Variants in FGGY observed in about 807,000 individuals in gnomAD.
FGGY encodes the protein FGGY carbohydrate kinase domain containing.
FGGY carries 72 observed loss-of-function variants against 71.3 expected under a neutral mutation model. That is an observed-to-expected ratio of 1.01 (90% CI 0.84 to 1.23). The LOEUF is 1.23. Ranked by LOEUF, FGGY falls within the 50% of genes most tolerant of loss-of-function variation. FGGY has a pLI of 0.00. For synonymous variants in FGGY, 251 were observed against 250.3 expected, an observed-to-expected ratio of 1.00 and a Z score of -0.02; for missense variants, 668 against 682.3, an observed-to-expected ratio of 0.98 and a Z score of 0.23.
At chr1:59,598,980 T>G (rs1387842428) in intron 8 of FGGY, among the ~76,000 whole-genome samples, 1 of 152,242 alleles carries the variant, frequency 6.6e-6, no homozygotes, top group Non-Finnish European at 1.5e-5. Context: ...ATACAGGAAT[T>G]ACAGAGTTAA....
At chr1:59,395,639 C>G (rs961554453) in intron 5 of FGGY, among the ~76,000 whole-genome samples, 2 of 152,162 alleles carry the variant, frequency 1.3e-5, no homozygotes, top group Admixed American at 1.3e-4. Flanking sequence ...TAACAGAGCA[C>G]TTAACATGCT....
intron 1 of FGGY, among the ~76,000 whole-genome samples, chr1:59,313,533 A>G (rs1434179633): frequency 2.0e-5 from 3 of 152,094 alleles, no homozygotes; most frequent in Non-Finnish European, 2.9e-5. Context: ...ATGCCCATCA[A>G]TCAATAAGTG....
intron 14 of FGGY, chr1:59,755,380 C>T (rs1035421079): frequency 6.6e-6 from 1 of 152,096 alleles, no homozygotes; most frequent in Non-Finnish European, 1.5e-5. Flanking sequence ...TGCTTTAAGG[C>T]GCTCACAGTC....
intron 14 of FGGY, among the ~76,000 whole-genome samples, chr1:59,746,239 C>G (rs2098196328): frequency 6.6e-6 from 1 of 152,116 alleles, no homozygotes; most frequent in Non-Finnish European, 1.5e-5. Flanking sequence ...GCATAAACCT[C>G]AGAGGAACAG....
At position 59,627,878 on chromosome 1, in the gene FGGY, T is replaced by C. The variant is rs78080139; in HGVS notation, c.1073+1829T>C. ...AAAGTAAGTCCATAAGTAAATAACT[T>C]TGTAAGTAAACTACTGAAGAAGGAA... is the stretch of plus-strand genomic sequence containing the variant. On this transcript the variant is annotated intron_variant, in intron 10 of 15. Transcript: ENST00000303721. 7.6e-3 allele frequency among the ~76,000 whole-genome samples: 1,151 copies of C among 152,256 alleles called. 18 individuals carry two copies. Among genetic ancestry groups the C allele is most frequent in the African/African-American group, 0.026 (1,098 of 41,540 alleles).
At chr1:59,351,904 T>C (rs1245370061) in intron 4 of FGGY, among the ~76,000 whole-genome samples, 2 of 152,158 alleles carry the variant, frequency 1.3e-5, no homozygotes, top group Non-Finnish European at 2.9e-5. Context: ...TTTGGGGTTT[T>C]ATCTGTCTTG....
chr1:59,629,426 G>A (rs182009295), intron 10 of FGGY, among the ~76,000 whole-genome samples: 2 of 152,224 alleles, frequency 1.3e-5, no homozygotes, highest in East Asian at 1.9e-4. Flanking sequence ...AGCTTCATAG[G>A]CATTCCCTTC....
intron 3 of FGGY, among the ~76,000 whole-genome samples, chr1:59,344,666 A>G (rs1237046688): frequency 6.6e-6 from 1 of 152,212 alleles, no homozygotes; most frequent in East Asian, 1.9e-4. Flanking sequence ...ATGGCATCGT[A>G]TTTGCGTATA....
At chr1:59,588,352 C>G (rs1029111524) in intron 8 of FGGY, among the ~76,000 whole-genome samples, 38 of 151,896 alleles carry the variant, frequency 2.5e-4, no homozygotes, top group Admixed American at 1.8e-3. Context: ...AGAATGGAAC[C>G]AAGTTGAAAA....
chr1:59,675,167 C>T (rs749478919), intron 14 of FGGY, among the ~76,000 whole-genome samples: 10 of 152,024 alleles, frequency 6.6e-5, no homozygotes, highest in Non-Finnish European at 1.2e-4. Context: ...ACTGAACGTT[C>T]AAGAGATATT....
At position 59,321,597 on chromosome 1, in the gene FGGY, C is replaced by T. The variant is rs532672011; in HGVS notation, c.48C>T (p.Asp16=). 77 of 1,613,856 alleles carry T rather than the reference C, an allele frequency of 4.8e-5. No homozygotes were observed. The highest frequency in any genetic ancestry group is 5.9e-5 in the Non-Finnish European group (70 of 1,179,854). Residue 16 remains aspartate (D), a synonymous_variant, in exon 2 of 16, where the codon GAC becomes GAT. Coordinates refer to ENST00000303721, the MANE Select transcript of FGGY (RefSeq NM_018291.5). ...CAGAGAGGTACTATGTGGGTGTGGA[C>T]GTTGGAACAGGCAGTGTCCGTGCAG... ...QKPERYYVGV[D]VGTGSVRAAL... is the part of the protein sequence containing the mutation.
chr1:59,662,104 G>C (rs1313982446), intron 12 of FGGY, among the ~76,000 whole-genome samples: 1 of 149,020 alleles, frequency 6.7e-6, no homozygotes, highest in African/African-American at 2.4e-5. Context: ...GGCAGATCAC[G>C]AGGTCAGGAG....
rs561746681 is a variant in FGGY, at chr1:59,447,078, A to G, written c.555-9883A>G. ...TGGTGACCCTTTCGCTTTGTTTCTG[A>G]TAGAGTCTGGAGGCTCCTACCTAAC... On this transcript the variant is annotated intron_variant, in intron 5 of 15. Coordinates refer to ENST00000303721, the MANE Select transcript of FGGY (RefSeq NM_018291.5). 7.2e-4 allele frequency among the ~76,000 whole-genome samples: 110 copies of G among 152,224 alleles called. No homozygotes were observed. In the South Asian group the frequency reaches 7.2e-3, roughly 10 times the overall value.
At chr1:59,656,736 C>A (rs1269587563) in intron 11 of FGGY, among the ~76,000 whole-genome samples, 1 of 152,152 alleles carries the variant, frequency 6.6e-6, no homozygotes, top group Non-Finnish European at 1.5e-5. Flanking sequence ...ATATTATGAT[C>A]CATGCAAGAA....
At chr1:59,758,342 T>A (rs1270537679) in intron 15 of FGGY, among the ~76,000 whole-genome samples, 1 of 152,258 alleles carries the variant, frequency 6.6e-6, no homozygotes, top group Admixed American at 6.5e-5. Flanking sequence ...TTTGTATCAC[T>A]TGGCATCAAA....
intron 8 of FGGY, among the ~76,000 whole-genome samples, chr1:59,598,993 G>A (rs2096549583): frequency 6.6e-6 from 1 of 152,220 alleles, no homozygotes; most frequent in African/African-American, 2.4e-5. Flanking sequence ...AGAGTTAAGT[G>A]AAGATGCAGG....
intron 5 of FGGY, 56 bp from the exon 6 acceptor site, chr1:59,456,905 T>G: frequency 7.6e-7 from 1 of 1,318,946 alleles, no homozygotes; most frequent in Non-Finnish European, 1.1e-6. Flanking sequence ...TTGCAAAATA[T>G]AAAGGAAGCC....
At chr1:59,393,031 C>T (rs2060884608) in intron 5 of FGGY, among the ~76,000 whole-genome samples, 7 of 152,184 alleles carry the variant, frequency 4.6e-5, no homozygotes, top group Admixed American at 3.3e-4. Flanking sequence ...CATTCATCTT[C>T]CTGGTTTTGT....
chr1:59,524,766 A>G (rs1261623695), intron 7 of FGGY, among the ~76,000 whole-genome samples: 2 of 152,176 alleles, frequency 1.3e-5, no homozygotes, highest in Admixed American at 6.5e-5. Flanking sequence ...TCTGAGAGCT[A>G]TTCTGTCACT....
Sources: allele counts gnomAD v4.1 joint callset (sites outside exome capture counted in the v4.1 genomes callset), GRCh38; gene constraint gnomAD v4.1.1; transcripts MANE v1.5; gene names NCBI Gene and HGNC (gene_info 2026-07-23, HGNC 2026-07-21).